Variants in OR13A1 observed in about 807,000 individuals in gnomAD.
The protein encoded by OR13A1 is olfactory receptor family 13 subfamily A member 1, also known as olfactory receptor 13A1.
OR13A1 carries 10 observed loss-of-function variants against 7.5 expected under a neutral mutation model. The ratio of observed to expected loss-of-function variants is 1.34; its 90% CI spans 0.83 to 2.27. The LOEUF is 2.27. Among genes scored for constraint, OR13A1 ranks in the 30% most tolerant of loss-of-function variants. The pLI is 0.00. For missense variants in OR13A1, 509 were observed against 419.1 expected (o/e 1.21, Z -1.87); for synonymous variants, 238 against 177.9 (o/e 1.34, Z -2.69).
rs776129467 is a variant in OR13A1, at chr10:45,303,982, C to T, written c.441G>A (p.Pro147=). The change falls in exon 4 of 4, where the codon CCG becomes CCA. Residue 147 remains proline (P), a synonymous_variant. Coordinates refer to ENST00000553795, the MANE Select transcript of OR13A1 (RefSeq NM_001004297.3). The part of the protein sequence containing the change: ...AYDRYAAICH[P]LHYSSMMSKV... ...TGCTCATCATGCTGCTGTAATGCAG[C>T]GGGTGGCAGATGGCTGCGTACCGGT... 2.4e-5 allele frequency: 38 copies of T among 1,612,450 alleles called. No homozygotes were observed. The highest frequency in any genetic ancestry group is 1.3e-4 in the South Asian group (12 of 90,960).
At chr10:45,308,080 A>G (rs781599842) in intron 1 of OR13A1, among the ~76,000 whole-genome samples, 3 of 152,212 alleles carry the variant, frequency 2.0e-5, no homozygotes, top group Non-Finnish European at 4.4e-5. Flanking sequence ...AAGCTGTTCA[A>G]TGATTTTCAC....
At position 45,303,687 on chromosome 10, in the gene OR13A1, C is replaced by A. The variant is rs374173884; in HGVS notation, c.736G>T (p.Val246Leu). The change falls in exon 4 of 4, where the codon GTG (valine) becomes TTG (leucine). Residue 246 changes from valine to leucine, a missense_variant. Coordinates refer to ENST00000553795, the MANE Select transcript of OR13A1 (RefSeq NM_001004297.3). ...TTCTGCCTCCCCCAGGCAGTCTTCA[C>A]CTTCAGGATGCTGGAGACGATGAAG... The part of the protein sequence containing the change: ...YGFIVSSILK[V>L]KTAWGRQKAF... 296 of 1,614,094 alleles carry A rather than the reference C, an allele frequency of 1.8e-4. No homozygotes were observed. The highest frequency in any genetic ancestry group is 2.4e-4 in the Non-Finnish European group (280 of 1,180,058).
At chr10:45,314,640 T>C (rs887077766) in intron 1 of OR13A1, among the ~76,000 whole-genome samples, 1 of 151,992 alleles carries the variant, frequency 6.6e-6, no homozygotes, top group African/African-American at 2.4e-5. Context: ...AGGTGGTTTT[T>C]GAAAACACCA....
intron 1 of OR13A1, among the ~76,000 whole-genome samples, chr10:45,313,325 CAA>C (rs34064366): frequency 6.6e-6 from 1 of 150,720 alleles, no homozygotes; most frequent in Non-Finnish European, 1.5e-5. Context: ...AATGTCACCA[CAA>C]AAAAAAATCG....
chr10:45,313,077 T>G (rs2133048203), intron 1 of OR13A1, among the ~76,000 whole-genome samples: 1 of 152,170 alleles, frequency 6.6e-6, no homozygotes, highest in South Asian at 2.1e-4. Context: ...GACAAAAGCT[T>G]AAAAATAACT....
At chr10:45,309,231 G>A (rs1018565763) in intron 1 of OR13A1, among the ~76,000 whole-genome samples, 2 of 152,120 alleles carry the variant, frequency 1.3e-5, no homozygotes, top group African/African-American at 2.4e-5. Flanking sequence ...CTGTCAGGCA[G>A]GCAAGTAGCA....
chr10:45,307,386 T>C (rs906391166), intron 3 of OR13A1, 40 bp downstream of exon 3: 1 of 152,228 alleles, frequency 6.6e-6, no homozygotes. Context: ...TCCACAAATG[T>C]ATTCACATTC....
rs773265408 is a variant in OR13A1, at chr10:45,304,243, A to G, written c.180T>C (p.Asn60=). The part of the protein sequence containing the change: ...LFLYSGALTG[N]VLITLAITFN... ...ACGTGATGGCCAAGGTGATGAGGACATTACCTGTGAGGGCCCCAGAGTAGA... is the reference window on the plus strand; with the variant it reads ...ACGTGATGGCCAAGGTGATGAGGACGTTACCTGTGAGGGCCCCAGAGTAGA... The change falls in exon 4 of 4, where the codon AAT becomes AAC. Residue 60 remains asparagine, a synonymous_variant. Coordinates refer to ENST00000553795, the MANE Select transcript of OR13A1 (RefSeq NM_001004297.3). 3 of 1,614,204 alleles carry G rather than the reference A, an allele frequency of 1.9e-6. No individual in the cohort carries two copies. The highest frequency in any genetic ancestry group is 2.5e-6 in the Non-Finnish European group (3 of 1,180,034).
At position 45,304,050 on chromosome 10, in the gene OR13A1, C is replaced by T. The variant is rs759112641; in HGVS notation, c.373G>A (p.Ala125Thr). The part of the protein sequence containing the change: ...CMAQLYFLTW[A>T]ASSELLLLTV... The stretch of plus-strand genomic sequence containing the variant: ...AGGAGCAGCAGCTCTGAGGATGCAG[C>T]CCACGTGAGGAAATAGAGCTGGGCC... The change falls in exon 4 of 4, where the codon GCT (alanine) becomes ACT (threonine). Residue 125 changes from alanine (A) to threonine (T), a missense_variant. Physicochemically the swap from Ala to Thr is moderately conservative, Grantham distance 58 (BLOSUM62 0). Coordinates refer to ENST00000553795, the MANE Select transcript of OR13A1 (RefSeq NM_001004297.3). 2 of 1,613,348 alleles carry T rather than the reference C, an allele frequency of 1.2e-6. No homozygotes were observed. The highest frequency in any genetic ancestry group is 2.2e-5 in the South Asian group (2 of 90,996).
chr10:45,309,195 G>T (rs1049412786), intron 1 of OR13A1, among the ~76,000 whole-genome samples: 3 of 152,126 alleles, frequency 2.0e-5, no homozygotes, highest in African/African-American at 7.2e-5. Context: ...CTCAGAACGT[G>T]TCCACACCTG....
At chr10:45,313,192 CGAAG>C (rs1357646934) in intron 1 of OR13A1, among the ~76,000 whole-genome samples, 1 of 151,868 alleles carries the variant, frequency 6.6e-6, no homozygotes, top group Admixed American at 6.6e-5. Flanking sequence ...TGTACACAGT[CGAAG>C]TTATTCTCTT....
Position 45,303,043 on chromosome 10 carries a change from A to G in OR13A1, c.*393T>C, listed in dbSNP as rs1364134094. 6.0e-6 allele frequency: 1 copy of G among 166,416 alleles called. No homozygotes were observed. The highest frequency in any genetic ancestry group is 1.8e-4 in the South Asian group (1 of 5,468). The allele number at this position is 166,416 out of a possible 1,614,324, so 10.3% of individuals were successfully genotyped here. A position where few individuals can be genotyped will look rare whatever the true frequency, so the allele number is the denominator to read the frequency against. ...GGCTGTGGGGTCCACAATTCTGCCT[A>G]ACTTTTTAGACCCACACAGCTGAAT... is the stretch of plus-strand genomic sequence containing the variant. On this transcript the variant is annotated 3_prime_UTR_variant, in exon 4 of 4. Coordinates refer to ENST00000553795, the MANE Select transcript of OR13A1 (RefSeq NM_001004297.3).
chr10:45,306,991 C>G (rs1838344422), intron 3 of OR13A1, among the ~76,000 whole-genome samples: 1 of 152,212 alleles, frequency 6.6e-6, no homozygotes, highest in Non-Finnish European at 1.5e-5. Context: ...TCCTCTTTAA[C>G]TCCAGGGACA....
intron 1 of OR13A1, among the ~76,000 whole-genome samples, chr10:45,315,039 T>C (rs1293070257): frequency 1.3e-5 from 2 of 152,118 alleles, no homozygotes; most frequent in Non-Finnish European, 2.9e-5. Context: ...CAAAGCTCAT[T>C]ATATGAGGCC....
intron 1 of OR13A1, among the ~76,000 whole-genome samples, chr10:45,313,266 A>G (rs561366076): frequency 6.6e-6 from 1 of 152,182 alleles, no homozygotes; most frequent in South Asian, 2.1e-4. Flanking sequence ...TATGGTAACC[A>G]TAAAAAAATC....
rs117633992 is a variant in OR13A1 at position 45,310,220 on chromosome 10, G to A, written c.-224-2412C>T. ...AGGTTAAAAGCTAAACTGTTAACAT[G>A]AAGAGACCTAAATATATAGTGGCTT... On this transcript the variant is annotated intron_variant, in intron 1 of 3. Coordinates refer to ENST00000553795, the MANE Select transcript of OR13A1 (RefSeq NM_001004297.3). Among the ~76,000 whole-genome samples, 942 of 152,300 alleles carry A rather than the reference G, an allele frequency of 6.2e-3. 4 individuals carry two copies. Among genetic ancestry groups the A allele is most frequent in the Non-Finnish European group, 7.6e-3 (519 of 68,034 alleles).
At chr10:45,308,431 A>C (rs953832039) in intron 1 of OR13A1, among the ~76,000 whole-genome samples, 7 of 152,220 alleles carry the variant, frequency 4.6e-5, no homozygotes, top group African/African-American at 7.2e-5. Context: ...AAGCCATGAA[A>C]AAGAAAAATC....
intron 1 of OR13A1, among the ~76,000 whole-genome samples, chr10:45,313,389 A>G (rs1356235452): frequency 6.6e-6 from 1 of 152,086 alleles, no homozygotes; most frequent in Non-Finnish European, 1.5e-5. Context: ...AAAATTTACA[A>G]AACATACAGG....
In OR13A1 at chr10:45,303,889, C is replaced by T. The variant is rs144324031; in HGVS notation, c.534G>A (p.Thr178=). 126 of 1,613,454 alleles carry T rather than the reference C, an allele frequency of 7.8e-5. No individual in the cohort carries two copies. The highest frequency in any genetic ancestry group is 3.3e-4 in the African/African-American group (25 of 75,074). ...AGAAATCCAAGCGCAGCATCAGCCC[C>T]GTGTGGATGGCCGTGTTGACGGCGC... ...LLCAVNTAIH[T]GLMLRLDFCG... Residue 178 remains threonine (T), a synonymous_variant, in exon 4 of 4, where the codon ACG becomes ACA. Transcript: ENST00000553795.
Sources: gnomAD v4.1 joint callset for allele counts (sites outside exome capture counted in the v4.1 genomes callset) on GRCh38, gnomAD v4.1.1 for gene constraint, MANE v1.5 for transcripts, NCBI Gene and HGNC (gene_info 2026-07-23, HGNC 2026-07-21) for gene names.